The following IGSF11 variants were observed in gnomAD, a reference collection of about 807,000 sequenced individuals.
IGSF11 encodes the protein CXADR like 1.
In IGSF11, 22 loss-of-function variants were observed where a neutral mutation model predicts 41.0. The observed-to-expected ratio is 0.54, with a 90% CI of 0.38 to 0.77. IGSF11 has a LOEUF of 0.77. Ranked by LOEUF, IGSF11 falls within the 30% of genes least tolerant of loss-of-function variation. The pLI is 0.00. For synonymous variants in IGSF11, 219 were observed against 201.3 expected, an observed-to-expected ratio of 1.09 and a Z score of -0.74; for missense variants, 444 against 530.8, an observed-to-expected ratio of 0.84 and a Z score of 1.61.
chr3:119,010,422 A>G (rs1225567504), intron 1 of IGSF11, among the ~76,000 whole-genome samples: 1 of 152,236 alleles, frequency 6.6e-6, no homozygotes, highest in Non-Finnish European at 1.5e-5. Context: ...GTGGGTAAAC[A>G]TTATTTCTGG....
chr3:118,972,764 T>C (rs1002618806), intron 1 of IGSF11, among the ~76,000 whole-genome samples: 1 of 152,172 alleles, frequency 6.6e-6, no homozygotes, highest in Admixed American at 6.5e-5. Flanking sequence ...AGGGTTTCAC[T>C]TGCATAAACA....
intron 1 of IGSF11, among the ~76,000 whole-genome samples, chr3:119,029,267 CA>C (rs1479399176): frequency 6.8e-4 from 101 of 148,800 alleles, no homozygotes; most frequent in Admixed American, 2.0e-3. Context: ...CACACACACA[CA>C]CACACACCCG....
At chr3:119,017,039 C>CAA (rs60190891) in intron 1 of IGSF11, among the ~76,000 whole-genome samples, 7,766 of 88,056 alleles carry the variant, frequency 0.088, 493 homozygotes, top group African/African-American at 0.12. Context: ...GGACGCAGGA[C>CAA]AAAAAAAAAA....
intron 1 of IGSF11, among the ~76,000 whole-genome samples, chr3:119,131,135 G>A (rs2077475478): frequency 2.0e-5 from 3 of 152,146 alleles, no homozygotes; most frequent in Admixed American, 6.5e-5. Flanking sequence ...ACACAAGAGC[G>A]CCTCTTCCCC....
chr3:119,031,613 T>C (rs146466891), intron 1 of IGSF11, among the ~76,000 whole-genome samples: 1 of 152,244 alleles, frequency 6.6e-6, no homozygotes, highest in Non-Finnish European at 1.5e-5. Context: ...GTTCTAAGCA[T>C]AACGCTTTTT....
intron 1 of IGSF11, among the ~76,000 whole-genome samples, chr3:119,126,816 T>TC (rs1559882224): frequency 1.4e-5 from 2 of 145,266 alleles, no homozygotes; most frequent in Non-Finnish European, 3.1e-5. Flanking sequence ...AAGCAGAAAG[T>TC]GACAACAACA....
chr3:119,023,262 C>CAAAAAA (rs3049118), intron 1 of IGSF11, among the ~76,000 whole-genome samples: 5 of 60,246 alleles, frequency 8.3e-5, no homozygotes, highest in African/African-American at 1.3e-4. Context: ...GACTCCGTCT[C>CAAAAAA]AAAAAAAAAA....
chr3:118,935,823 T>G (rs959181383), intron 1 of IGSF11, among the ~76,000 whole-genome samples: 1 of 152,166 alleles, frequency 6.6e-6, no homozygotes, highest in South Asian at 2.1e-4. Context: ...TAATTCTGTA[T>G]ATAAATTAAG....
intron 1 of IGSF11, among the ~76,000 whole-genome samples, chr3:119,124,975 G>A (rs1559881327): frequency 6.6e-6 from 1 of 152,118 alleles, no homozygotes; most frequent in Non-Finnish European, 1.5e-5. Context: ...ACTTTTCAGT[G>A]GAAACCTTAC....
At chr3:119,096,246 G>T (rs2076848372) in intron 1 of IGSF11, among the ~76,000 whole-genome samples, 1 of 151,860 alleles carries the variant, frequency 6.6e-6, no homozygotes. Flanking sequence ...TTTATTAACT[G>T]GTCTACCCCT....
intron 1 of IGSF11, among the ~76,000 whole-genome samples, chr3:118,979,408 A>G (rs1272562752): frequency 1.3e-5 from 2 of 152,172 alleles, no homozygotes; most frequent in Non-Finnish European, 2.9e-5. Flanking sequence ...AAGTTCAGAG[A>G]TCTCCAAATA....
upstream of IGSF11, chr3:119,105,313 G>C: frequency 1.6e-6 from 1 of 632,606 alleles, no homozygotes; most frequent in Non-Finnish European, 2.7e-6. Context: ...ACCTTCTTGG[G>C]TACAGGATTT....
At chr3:118,941,004 T>C (rs1032732694) in intron 1 of IGSF11, among the ~76,000 whole-genome samples, 41 of 150,576 alleles carry the variant, frequency 2.7e-4, no homozygotes, top group African/African-American at 9.7e-4. Flanking sequence ...AATAAAACTA[T>C]AAAACTTCTG....
intron 1 of IGSF11, among the ~76,000 whole-genome samples, chr3:119,139,907 G>A (rs1559887952): frequency 6.6e-6 from 1 of 152,082 alleles, no homozygotes. Flanking sequence ...CAAAGTTTTT[G>A]TATAATACTG....
intron 1 of IGSF11, among the ~76,000 whole-genome samples, chr3:119,069,075 C>T (rs1001585888): frequency 4.0e-5 from 6 of 151,774 alleles, no homozygotes; most frequent in Non-Finnish European, 8.8e-5. Context: ...TACAGGCACC[C>T]ACCACCATGC....
chr3:118,916,565 A>AATAT (rs1941122161), intron 4 of IGSF11, among the ~76,000 whole-genome samples: 2 of 151,264 alleles, frequency 1.3e-5, no homozygotes. Context: ...AACTATCCTA[A>AATAT]ATATATATGC....
chr3:119,109,576 T>C (rs1353605429), upstream of IGSF11, among the ~76,000 whole-genome samples: 2 of 152,246 alleles, frequency 1.3e-5, no homozygotes, highest in Non-Finnish European at 2.9e-5. Context: ...GGGTTTTTTG[T>C]GTCTCTATTT....
chr3:119,141,919 C>T (rs893556593), intron 1 of IGSF11, among the ~76,000 whole-genome samples: 1 of 151,976 alleles, frequency 6.6e-6, no homozygotes, highest in Non-Finnish European at 1.5e-5. Context: ...GGTTAAATAA[C>T]GGACACACTG....
At chr3:118,958,575 A>C (rs1357140373) in intron 1 of IGSF11, among the ~76,000 whole-genome samples, 1 of 152,208 alleles carries the variant, frequency 6.6e-6, no homozygotes, top group Non-Finnish European at 1.5e-5. Flanking sequence ...AATTATTACA[A>C]AGCATGCATG....
Sources: allele counts gnomAD v4.1 joint callset (sites outside exome capture counted in the v4.1 genomes callset), GRCh38; gene constraint gnomAD v4.1.1; transcripts MANE v1.5; gene names NCBI Gene and HGNC (gene_info 2026-07-23, HGNC 2026-07-21).